The following KCNC4 variants were observed in gnomAD, a reference collection of about 807,000 sequenced individuals.
The protein encoded by KCNC4 is voltage-gated potassium channel KCNC4.
A neutral mutation model predicts 42.8 loss-of-function variants in KCNC4; 23 were observed. The ratio of observed to expected loss-of-function variants is 0.54; its 90% CI spans 0.39 to 0.76. The LOEUF (loss-of-function observed/expected upper bound fraction) is 0.76. Ranked by LOEUF, KCNC4 falls within the 30% of genes least tolerant of loss-of-function variation. The pLI, the probability that KCNC4 is intolerant of heterozygous loss-of-function variation, is 0.00. For synonymous variants in KCNC4, 422 were observed against 393.5 expected (o/e 1.07, Z -0.86); for missense variants, 751 against 898.2 (o/e 0.84, Z 2.10).
At chr1:110,217,791 G>A (rs1219313528) in intron 1 of KCNC4, among the ~76,000 whole-genome samples, 2 of 152,180 alleles carry the variant, frequency 1.3e-5, no homozygotes, top group East Asian at 3.9e-4. Context: ...ATGTTTCTCT[G>A]CTGGGACCTA....
chr1:110,210,793 C>A lies in KCNC4; in HGVS notation c.-707C>A, dbSNP rs543899505. Among the ~76,000 whole-genome samples, 75 of 152,014 alleles carry A rather than the reference C, an allele frequency of 4.9e-4. No homozygotes were observed. The highest frequency in any genetic ancestry group is 1.7e-3 in the African/African-American group (71 of 41,518). Reference sequence around the variant, plus strand: ...CGCTCCTGCGGGCGCGCTTGTTTTCCAGCTGCCGCCTCGCCCTGCGCAGCC... The same window carrying A: ...CGCTCCTGCGGGCGCGCTTGTTTTCAAGCTGCCGCCTCGCCCTGCGCAGCC... On this transcript the variant is annotated 5_prime_UTR_variant, in exon 1 of 4. Coordinates refer to ENST00000438661, the MANE Select transcript of KCNC4 (RefSeq NM_001039574.3).
chr1:110,277,793 G>A (rs986705021), intron 1 of KCNC4, among the ~76,000 whole-genome samples: 1 of 152,168 alleles, frequency 6.6e-6, no homozygotes, highest in Non-Finnish European at 1.5e-5. Context: ...ATCTCACTAG[G>A]TGCAGATTTA....
downstream of KCNC4, chr1:110,236,945 T>G (rs572048760): frequency 6.6e-6 from 1 of 152,294 alleles, no homozygotes; most frequent in South Asian, 2.1e-4. Flanking sequence ...AATTTTTGAT[T>G]TGTAATTTTT....
chr1:110,259,450 A>G (rs1470613245), intron 1 of KCNC4, among the ~76,000 whole-genome samples: 2 of 152,118 alleles, frequency 1.3e-5, no homozygotes, highest in East Asian at 1.9e-4. Flanking sequence ...ATGGACATCA[A>G]TTTTACTTGG....
At chr1:110,232,304 C>T in intron 3 of KCNC4, 2 of 1,613,304 alleles carry the variant, frequency 1.2e-6, no homozygotes, top group Non-Finnish European at 1.7e-6. Flanking sequence ...GTTCCTGCCA[C>T]ATTGAGGAAG....
At chr1:110,278,140 C>T (rs11102078) in intron 1 of KCNC4, among the ~76,000 whole-genome samples, 43,460 of 131,664 alleles carry the variant, frequency 0.33, 6,793 homozygotes, top group Admixed American at 0.49. Flanking sequence ...GAATGAGATC[C>T]TGTTTCAAGA....
chr1:110,277,333 G>A (rs1017709897), intron 1 of KCNC4, among the ~76,000 whole-genome samples: 3 of 152,154 alleles, frequency 2.0e-5, no homozygotes, highest in African/African-American at 7.2e-5. Context: ...TTAATGCCAC[G>A]GGCAACTCTG....
At chr1:110,212,282 A>AC (rs1374466829) in intron 1 of KCNC4, 105 bp downstream of exon 1, 5 of 1,194,606 alleles carry the variant, frequency 4.2e-6, no homozygotes, top group African/African-American at 1.6e-5. Flanking sequence ...GACTTACCTT[A>AC]CCACCGCAGA....
intron 3 of KCNC4, chr1:110,232,631 C>A (rs1658754201): frequency 6.9e-7 from 1 of 1,441,984 alleles, no homozygotes. Flanking sequence ...ACCTGAGTCA[C>A]CAGAGTTGGG....
At chr1:110,267,963 A>G (rs1044873177) in intron 1 of KCNC4, among the ~76,000 whole-genome samples, 1 of 152,254 alleles carries the variant, frequency 6.6e-6, no homozygotes, top group Non-Finnish European at 1.5e-5. Context: ...GAATAGGCAT[A>G]GTTAAGCAAT....
downstream of KCNC4, among the ~76,000 whole-genome samples, chr1:110,249,479 C>A (rs1659214842): frequency 6.6e-6 from 1 of 152,238 alleles, no homozygotes; most frequent in African/African-American, 2.4e-5. Flanking sequence ...TAATCCACCT[C>A]CCCTCCCTCG....
chr1:110,235,649 G>A (rs565996588), downstream of KCNC4: 1 of 152,322 alleles, frequency 6.6e-6, no homozygotes, highest in Non-Finnish European at 1.5e-5. Context: ...GGGTGGACGA[G>A]AGAAGCAGCA....
chr1:110,272,376 G>C (rs191047939), intron 1 of KCNC4: 1 of 152,348 alleles, frequency 6.6e-6, no homozygotes, highest in African/African-American at 2.4e-5. Flanking sequence ...AGGCAGAGAT[G>C]CTTCTTGAAC....
chr1:110,214,239 GA>G (rs1353036430), intron 1 of KCNC4, among the ~76,000 whole-genome samples: 1 of 152,196 alleles, frequency 6.6e-6, no homozygotes, highest in Admixed American at 6.5e-5. Context: ...TAAACATTGA[GA>G]AAACCAGGAT....
At chr1:110,269,110 T>G (rs543475824) in intron 1 of KCNC4, among the ~76,000 whole-genome samples, 2 of 152,304 alleles carry the variant, frequency 1.3e-5, no homozygotes, top group African/African-American at 2.4e-5. Context: ...CATCAGTCTG[T>G]GACAGGGCCA....
chr1:110,267,370 C>T (rs1659558095), intron 1 of KCNC4, among the ~76,000 whole-genome samples: 1 of 152,138 alleles, frequency 6.6e-6, no homozygotes, highest in Non-Finnish European at 1.5e-5. Context: ...ACATTTCTGG[C>T]TCAGTGCTGT....
chr1:110,281,893 C>T (rs1029871634), intron 1 of KCNC4, among the ~76,000 whole-genome samples: 4 of 152,188 alleles, frequency 2.6e-5, no homozygotes, highest in African/African-American at 7.2e-5. Flanking sequence ...TGTCCCTAGA[C>T]CTGAAGACTG....
At chr1:110,241,471 C>T (rs1194808119) in exon 4 of KCNC4, 1 of 152,130 alleles carries the variant, frequency 6.6e-6, no homozygotes, top group Non-Finnish European at 1.5e-5. Flanking sequence ...GAGCTCCAAG[C>T]AGGATAGATA....
downstream of KCNC4, chr1:110,235,121 A>G (rs1448880596): frequency 6.6e-6 from 1 of 152,216 alleles, no homozygotes; most frequent in African/African-American, 2.4e-5. Context: ...ACAAGAACAC[A>G]CCCGGGAGCT....
Sources: allele counts gnomAD v4.1 joint callset (sites outside exome capture counted in the v4.1 genomes callset), GRCh38; gene constraint gnomAD v4.1.1; transcripts MANE v1.5; gene names NCBI Gene and HGNC (gene_info 2026-07-23, HGNC 2026-07-21).